SYTL2: variants seen among roughly 807,000 people sequenced by gnomAD.
SYTL2 encodes synaptotagmin like 2.
SYTL2 carries 165 observed loss-of-function variants against 198.7 expected under a neutral mutation model. The ratio of observed to expected loss-of-function variants is 0.83; its 90% CI spans 0.73 to 0.94. The LOEUF (loss-of-function observed/expected upper bound fraction) is 0.94. Ranked by LOEUF, SYTL2 falls within the 40% of genes least tolerant of loss-of-function variation. The probability of loss-of-function intolerance (pLI) is 0.00; values close to 1 mark genes in which losing one functional copy is unlikely to be tolerated. For synonymous variants in SYTL2, 966 were observed against 917.7 expected (o/e 1.05, Z -0.95); for missense variants, 2,835 against 2,582.8 (o/e 1.10, Z -2.12).
chr11:85,774,861 G>C (rs899419133), intron 1 of SYTL2, among the ~76,000 whole-genome samples: 9 of 152,154 alleles, frequency 5.9e-5, no homozygotes, highest in African/African-American at 2.2e-4. Flanking sequence ...CCTGCCTAGA[G>C]CAGTTGAAGA....
intron 6 of SYTL2, among the ~76,000 whole-genome samples, chr11:85,735,366 T>C (rs1041781778): frequency 2.0e-5 from 3 of 152,114 alleles, no homozygotes; most frequent in Admixed American, 1.3e-4. Flanking sequence ...AAGAAAAACA[T>C]AGAAGTCACT....
chr11:85,849,346 T>C, the SYTL2 span, among the ~76,000 whole-genome samples: 1 of 152,236 alleles, frequency 6.6e-6, no homozygotes, highest in Non-Finnish European at 1.5e-5. Context: ...TTTGGTGTTT[T>C]GGACATGAAG....
At chr11:85,843,988 C>T in the SYTL2 span, among the ~76,000 whole-genome samples, 7 of 152,292 alleles carry the variant, frequency 4.6e-5, no homozygotes, top group African/African-American at 1.4e-4. Context: ...CTCAGTCTCA[C>T]CAGATGCCTC....
At chr11:85,772,342 G>A (rs1469157775) in intron 1 of SYTL2, among the ~76,000 whole-genome samples, 2 of 152,212 alleles carry the variant, frequency 1.3e-5, no homozygotes, top group Non-Finnish European at 2.9e-5. Flanking sequence ...ACAATAGGAA[G>A]TAGTATTCTA....
At chr11:85,778,000 G>A (rs1209853668) in intron 1 of SYTL2, among the ~76,000 whole-genome samples, 1 of 151,652 alleles carries the variant, frequency 6.6e-6, no homozygotes, top group Non-Finnish European at 1.5e-5. Flanking sequence ...TGTATTTTTA[G>A]TGAAGATGGG....
the SYTL2 span, among the ~76,000 whole-genome samples, chr11:85,847,271 T>C: frequency 3.9e-5 from 6 of 152,150 alleles, no homozygotes; most frequent in African/African-American, 9.7e-5. Context: ...TTCCAGGCTT[T>C]TCTAGAATTT....
chr11:85,748,520 A>G (rs1400935543), intron 2 of SYTL2, 97 bp from the exon 3 acceptor site: 3 of 1,299,402 alleles, frequency 2.3e-6, no homozygotes, highest in Non-Finnish European at 1.1e-6. Flanking sequence ...CACACAGATA[A>G]AATGAAGCTT....
chr11:85,825,380 T>C, the SYTL2 span, among the ~76,000 whole-genome samples: 1 of 89,078 alleles, frequency 1.1e-5, no homozygotes, highest in Non-Finnish European at 2.1e-5. Context: ...AGAGCGAGAC[T>C]CCGTCTCAAA....
rs754043817 is a variant in SYTL2 at position 85,757,209 on chromosome 11, GTTTAA to G, written c.101+411_101+415del. 2.0e-4 allele frequency among the ~76,000 whole-genome samples: 30 copies of G among 149,118 alleles called. No homozygotes were observed. The East Asian group carries it at 2.4e-3, about 12-fold the overall frequency. On this transcript the variant is annotated intron_variant, in intron 2 of 19. Transcript: ENST00000359152. ...TGAAAGCATGCAGAAATGTGAGCTA[GTTTAA>G]TTTATTTTCTTTTCAAAATTCTAAA...
intron 1 of SYTL2, among the ~76,000 whole-genome samples, chr11:85,769,684 AG>A (rs1437384099): frequency 6.6e-6 from 1 of 152,202 alleles, no homozygotes. Context: ...TGACTCCAAC[AG>A]GGATGGCACC....
chr11:85,710,196 G>A (rs1331411883), intron 13 of SYTL2, among the ~76,000 whole-genome samples: 2 of 152,094 alleles, frequency 1.3e-5, no homozygotes, highest in Admixed American at 6.5e-5. Flanking sequence ...CTGCTGTATC[G>A]AATTTCCAAG....
intron 1 of SYTL2, among the ~76,000 whole-genome samples, chr11:85,769,431 G>T (rs533278993): frequency 1.5e-4 from 23 of 152,214 alleles, no homozygotes; most frequent in African/African-American, 5.5e-4. Context: ...GCCTGTAGCA[G>T]CTGGAAAAGG....
intron 1 of SYTL2, among the ~76,000 whole-genome samples, chr11:85,799,074 C>CT (rs1312514389): frequency 1.3e-5 from 2 of 152,190 alleles, no homozygotes; most frequent in Non-Finnish European, 2.9e-5. Context: ...AGCCAAATAT[C>CT]TAATTAATTG....
the SYTL2 span, among the ~76,000 whole-genome samples, chr11:85,833,460 T>C: frequency 6.7e-6 from 1 of 149,724 alleles, no homozygotes; most frequent in South Asian, 2.1e-4. Context: ...TATGTATATA[T>C]GTTTTTAAGT....
intron 2 of SYTL2, among the ~76,000 whole-genome samples, chr11:85,751,639 G>A (rs2091518367): frequency 6.6e-6 from 1 of 152,206 alleles, no homozygotes; most frequent in Admixed American, 6.5e-5. Flanking sequence ...CTGGCCTGCT[G>A]GCCTCCCAGG....
Position 85,717,474 on chromosome 11 carries a change from G to T in SYTL2, c.5530+9C>A. 6.2e-7 allele frequency: 1 copy of T among 1,610,878 alleles called. No individual in the cohort carries two copies. The highest frequency in any genetic ancestry group is 8.5e-7 in the Non-Finnish European group (1 of 1,177,372). ...TTTAGTCATTTGTGAGAAAGATCCT[G>T]CTACTCACTTCTTGGTACGCATTCA... is the stretch of plus-strand genomic sequence containing the variant. On this transcript the variant is annotated intron_variant, in intron 11 of 19. Transcript: ENST00000359152.
At chr11:85,781,531 G>C (rs137996850) in intron 1 of SYTL2, among the ~76,000 whole-genome samples, 3,175 of 152,138 alleles carry the variant, frequency 0.021, 61 homozygotes, top group Admixed American at 0.037. Context: ...ACTCATTTCA[G>C]CATTAACTCA....
At chr11:85,775,728 G>T (rs147691912) in intron 1 of SYTL2, among the ~76,000 whole-genome samples, 2 of 152,098 alleles carry the variant, frequency 1.3e-5, no homozygotes, top group Non-Finnish European at 2.9e-5. Context: ...TAATCTGCCC[G>T]CCTCAGCCTC....
At chr11:85,712,684 G>A (rs925636037) in intron 12 of SYTL2, among the ~76,000 whole-genome samples, 14 of 149,202 alleles carry the variant, frequency 9.4e-5, no homozygotes, top group East Asian at 2.0e-4. Context: ...AATTTGCCTC[G>A]AAAATACATA....
Sources: gnomAD v4.1 joint callset for allele counts (sites outside exome capture counted in the v4.1 genomes callset) on GRCh38, gnomAD v4.1.1 for gene constraint, MANE v1.5 for transcripts, NCBI Gene and HGNC (gene_info 2026-07-23, HGNC 2026-07-21) for gene names.